Variants in CLYBL observed in about 807,000 individuals in gnomAD.
CLYBL encodes the protein citramalyl-CoA lyase, mitochondrial.
Under a neutral mutation model 38.9 loss-of-function variants are expected in CLYBL, and 31 were observed. The observed-to-expected ratio is 0.80, with a 90% CI of 0.60 to 1.08. CLYBL has a LOEUF of 1.08. CLYBL is among the 50% of genes least tolerant of loss of function. The pLI is 0.00. For missense variants in CLYBL, 434 were observed against 411.6 expected (o/e 1.05, Z -0.47); for synonymous variants, 171 against 158.6 (o/e 1.08, Z -0.59).
At chr13:99,884,931 G>C (rs778181715) in intron 7 of CLYBL, 1 of 470,558 alleles carries the variant, frequency 2.1e-6, no homozygotes, top group South Asian at 1.6e-5. Flanking sequence ...TAAAGAAAAA[G>C]AGTGACCCAA....
intron 2 of CLYBL, among the ~76,000 whole-genome samples, chr13:99,836,693 C>G (rs959752154): frequency 1.3e-5 from 2 of 152,156 alleles, no homozygotes; most frequent in African/African-American, 4.8e-5. Context: ...CTTTTATAGT[C>G]AGAAAACAAT....
intron 1 of CLYBL, among the ~76,000 whole-genome samples, chr13:99,754,783 G>A (rs1305957565): frequency 5.8e-5 from 8 of 137,392 alleles, no homozygotes; most frequent in South Asian, 2.3e-4. Context: ...TAGTAGAGAC[G>A]GGGTTTTACC....
chr13:99,674,430 G>A (rs997738401), intron 1 of CLYBL, among the ~76,000 whole-genome samples: 25 of 151,956 alleles, frequency 1.6e-4, no homozygotes, highest in African/African-American at 5.6e-4. Flanking sequence ...GATTACAGGC[G>A]TGAGCCACCA....
chr13:99,753,151 G>A (rs1388333416), intron 1 of CLYBL, among the ~76,000 whole-genome samples: 1 of 152,136 alleles, frequency 6.6e-6, no homozygotes, highest in African/African-American at 2.4e-5. Context: ...GGAAGATGTG[G>A]TGTGTCAGGG....
At position 99,784,992 on chromosome 13, in the gene CLYBL, A is replaced by G. The variant is rs181728426; in HGVS notation, c.249+11982A>G. 2.4e-3 allele frequency among the ~76,000 whole-genome samples: 369 copies of G among 151,788 alleles called. 1 individual carries two copies. The highest frequency in any genetic ancestry group is 4.0e-3 in the Non-Finnish European group (269 of 67,930). On this transcript the variant is annotated intron_variant, in intron 2 of 8. Coordinates refer to ENST00000339105, the MANE Select transcript of CLYBL (RefSeq NM_206808.5). ...CTGCGACCTCCGCCTCTCTGGTTCA[A>G]GTGATTCTCCTGTCCTCAGCCTCCT...
rs750444975 is a variant in CLYBL, at chr13:99,866,341, A to G, written c.736A>G (p.Ile246Val). 25 of 1,614,178 alleles carry G rather than the reference A, an allele frequency of 1.5e-5. 1 individual carries two copies. In the East Asian group the frequency reaches 4.7e-4, roughly 30 times the overall value. The change falls in exon 6 of 9, where the codon ATT becomes GTT. Residue 246 changes from isoleucine (I) to valine (V), a missense_variant. Physicochemically the swap from Ile to Val is conservative, Grantham distance 29. Coordinates refer to ENST00000339105, the MANE Select transcript of CLYBL (RefSeq NM_206808.5). ...TCTCCAAGCCATAGATCTGGTGTAC[A>G]TTGACTTTCGAGATGGAGCTGGGCT... Reference protein sequence around the residue: ...FGLQAIDLVYIDFRDGAGLLR... With the variant: ...FGLQAIDLVYVDFRDGAGLLR...
At chr13:99,824,110 T>A (rs2050640966) in intron 2 of CLYBL, among the ~76,000 whole-genome samples, 1 of 152,248 alleles carries the variant, frequency 6.6e-6, no homozygotes, top group Non-Finnish European at 1.5e-5. Context: ...TTTTCTAGAC[T>A]TAAATAAGTC....
intron 1 of CLYBL, among the ~76,000 whole-genome samples, chr13:99,702,431 GACCAGCCTGATCA>G (rs2048081080): frequency 6.6e-6 from 1 of 152,084 alleles, no homozygotes; most frequent in Admixed American, 6.5e-5. Context: ...AGGAGTTCAA[GACCAGCCTGATCA>G]ACATGGTGAA....
At chr13:99,709,019 G>A (rs762999697) in intron 1 of CLYBL, among the ~76,000 whole-genome samples, 5 of 152,092 alleles carry the variant, frequency 3.3e-5, no homozygotes, top group Non-Finnish European at 5.9e-5. Flanking sequence ...CTTGAACCAG[G>A]GGGGCGGAGG....
chr13:99,679,293 CAA>C (rs748632092), intron 1 of CLYBL, among the ~76,000 whole-genome samples: 2 of 35,796 alleles, frequency 5.6e-5, no homozygotes, highest in Non-Finnish European at 1.1e-4. Context: ...GACTCCGACT[CAA>C]AAAAAAAAAA....
chr13:99,770,080 C>CTTTTTTTTTTT (rs3033589), intron 1 of CLYBL, among the ~76,000 whole-genome samples: 19 of 103,170 alleles, frequency 1.8e-4, no homozygotes, highest in Non-Finnish European at 3.3e-4. Flanking sequence ...TCTTTTCTTT[C>CTTTTTTTTTTT]TTTTTTTTTT....
intron 2 of CLYBL, among the ~76,000 whole-genome samples, chr13:99,806,093 A>C (rs766590195): frequency 6.6e-6 from 1 of 152,172 alleles, no homozygotes; most frequent in African/African-American, 2.4e-5. Context: ...AGTTTCATGT[A>C]CATAACTTTT....
intron 7 of CLYBL, among the ~76,000 whole-genome samples, chr13:99,878,957 C>T (rs7334071): frequency 0.83 from 125,651 of 152,140 alleles, 52,129 homozygotes; most frequent in Admixed American, 0.88. Context: ...CTCGGATCAG[C>T]GTTTAAAGTA....
chr13:99,616,042 T>TC (rs1281041325), intron 1 of CLYBL, among the ~76,000 whole-genome samples: 2 of 152,064 alleles, frequency 1.3e-5, no homozygotes, highest in African/African-American at 4.8e-5. Flanking sequence ...AGATGGGGTT[T>TC]CACCATGTTG....
At position 99,710,768 on chromosome 13, in the gene CLYBL, T is replaced by C. The variant is rs1452413633; in HGVS notation, c.63-62056T>C. Among the ~76,000 whole-genome samples, 3 of 152,260 alleles carry C rather than the reference T, an allele frequency of 2.0e-5. No homozygotes were observed. The East Asian group carries it at 5.8e-4, about 29-fold the overall frequency. ...TGGAATTCTTACCCATAGCTTACAG[T>C]GATGTTTCACATACATCTCTGCCAA... On this transcript the variant is annotated intron_variant, in intron 1 of 8. Transcript: ENST00000339105.
chr13:99,829,745 A>T (rs1396526201), intron 2 of CLYBL, among the ~76,000 whole-genome samples: 1 of 152,194 alleles, frequency 6.6e-6, no homozygotes, highest in Non-Finnish European at 1.5e-5. Flanking sequence ...TCAGGAGCTG[A>T]ACAAGCTGAC....
chr13:99,790,371 G>T, intron 2 of CLYBL, among the ~76,000 whole-genome samples: 1 of 152,088 alleles, frequency 6.6e-6, no homozygotes, highest in East Asian at 1.9e-4. Context: ...CTTCCTTCAG[G>T]AGCTCTTTTA....
rs1299312984 is a variant in CLYBL, at chr13:99,614,705, G to A, written c.62+7948G>A. ...CGTTATCCTGTGGTAGAGTTTTACC[G>A]TGGACCAGAGCCATCTAGAGGACAT... On this transcript the variant is annotated intron_variant, in intron 1 of 8. Transcript: ENST00000339105. Among the ~76,000 whole-genome samples, 6 of 152,140 alleles carry A rather than the reference G, an allele frequency of 3.9e-5. No homozygotes were observed. In the South Asian group the frequency reaches 8.3e-4, roughly 21 times the overall value.
At chr13:99,815,831 C>T (rs545107431) in intron 2 of CLYBL, among the ~76,000 whole-genome samples, 7 of 152,236 alleles carry the variant, frequency 4.6e-5, no homozygotes, top group Admixed American at 4.6e-4. Flanking sequence ...GAGCCAAGAT[C>T]GCGCCACTGC....
Sources: allele counts gnomAD v4.1 joint callset (sites outside exome capture counted in the v4.1 genomes callset), GRCh38; gene constraint gnomAD v4.1.1; transcripts MANE v1.5; gene names NCBI Gene and HGNC (gene_info 2026-07-23, HGNC 2026-07-21).